The following STK35 variants were observed in gnomAD, a reference collection of about 807,000 sequenced individuals.
STK35 encodes the protein serine/threonine kinase 35, also known as serine/threonine-protein kinase 35.
A neutral mutation model predicts 37.3 loss-of-function variants in STK35; 17 were observed. The ratio of observed to expected loss-of-function variants is 0.46; its 90% CI spans 0.31 to 0.68. The LOEUF (loss-of-function observed/expected upper bound fraction) is 0.68, where lower values mean the gene tolerates loss of function less well. Among genes scored for constraint, STK35 ranks in the 30% least tolerant of loss-of-function variants. STK35 has a pLI of 0.05. For synonymous variants in STK35, 385 were observed against 319.1 expected (o/e 1.21, Z -2.20); for missense variants, 595 against 746.7 (o/e 0.80, Z 2.37).
At chr20:2,141,320 C>A (rs1318295167) in intron 3 of STK35, among the ~76,000 whole-genome samples, 1 of 152,188 alleles carries the variant, frequency 6.6e-6, no homozygotes, top group Non-Finnish European at 1.5e-5. Flanking sequence ...AATTAACAGA[C>A]CAAGGAACAG....
chr20:2,111,654 G>C (rs149786504), intron 2 of STK35, among the ~76,000 whole-genome samples: 123 of 152,308 alleles, frequency 8.1e-4, no homozygotes, highest in African/African-American at 2.8e-3. Context: ...AGTGAGCTGT[G>C]ATTGGCTGCA....
chr20:2,132,548 G>T (rs372233706), intron 3 of STK35, among the ~76,000 whole-genome samples: 4 of 152,356 alleles, frequency 2.6e-5, no homozygotes, highest in South Asian at 4.1e-4. Flanking sequence ...GAGCAAGGCT[G>T]TATTTTAGGC....
intron 3 of STK35, among the ~76,000 whole-genome samples, chr20:2,126,352 C>G (rs534349741): frequency 1.3e-5 from 2 of 152,236 alleles, no homozygotes; most frequent in South Asian, 2.1e-4. Context: ...AGTAGAGATA[C>G]AGGAGGACAG....
chr20:2,132,152 G>T (rs1490154219), intron 3 of STK35, among the ~76,000 whole-genome samples: 1 of 152,174 alleles, frequency 6.6e-6, no homozygotes, highest in Non-Finnish European at 1.5e-5. Flanking sequence ...TCAAAGGCCA[G>T]AGCTCCAGTG....
chr20:2,135,630 A>C (rs1201978738), intron 3 of STK35, among the ~76,000 whole-genome samples: 1 of 152,220 alleles, frequency 6.6e-6, no homozygotes, highest in Non-Finnish European at 1.5e-5. Context: ...TGGGAGGCCA[A>C]GGCAGGAGGA....
intron 3 of STK35, among the ~76,000 whole-genome samples, chr20:2,132,533 G>C (rs927579245): frequency 1.3e-5 from 2 of 152,226 alleles, no homozygotes; most frequent in South Asian, 2.1e-4. Context: ...TGAGTGGGTG[G>C]TGGTGAGCAA....
intron 3 of STK35, among the ~76,000 whole-genome samples, chr20:2,141,376 T>C (rs1205464502): frequency 6.6e-6 from 1 of 152,146 alleles, no homozygotes; most frequent in Non-Finnish European, 1.5e-5. Context: ...TGTATTTTCT[T>C]TCCAGATCAG....
In STK35 at chr20:2,117,951, C is replaced by T. The variant is rs115471988; in HGVS notation, c.*37+536C>T. Among the ~76,000 whole-genome samples, 705 of 152,284 alleles carry T rather than the reference C, an allele frequency of 4.6e-3. 11 individuals are homozygous for T. Among genetic ancestry groups the T allele is most frequent in the African/African-American group, 0.016 (675 of 41,558 alleles). Reference sequence around the variant, plus strand: ...AGAGAAGTCTTCTCAGAGGAGGTTGCGTTTAAGCCGAGTCTCCCTTTTTTT... The same window carrying T: ...AGAGAAGTCTTCTCAGAGGAGGTTGTGTTTAAGCCGAGTCTCCCTTTTTTT... On this transcript the variant is annotated intron_variant, in intron 3 of 3. Coordinates refer to ENST00000381482, the MANE Select transcript of STK35 (RefSeq NM_080836.4). The surrounding 1 kb of genome is among the most constrained non-coding windows in gnomAD (Gnocchi z 4.4).
chr20:2,139,157 G>A (rs1031482608), intron 3 of STK35, among the ~76,000 whole-genome samples: 7 of 152,172 alleles, frequency 4.6e-5, no homozygotes, highest in African/African-American at 1.2e-4. Flanking sequence ...AGGTGAACAC[G>A]TGAGCCATCC....
chr20:2,113,934 C>T (rs1456807377), intron 2 of STK35, among the ~76,000 whole-genome samples: 1 of 152,180 alleles, frequency 6.6e-6, no homozygotes, highest in Non-Finnish European at 1.5e-5. Context: ...CATCACACCT[C>T]AGTCTCCCTG....
At chr20:2,124,385 C>T (rs954315980) in intron 3 of STK35, among the ~76,000 whole-genome samples, 2 of 152,154 alleles carry the variant, frequency 1.3e-5, no homozygotes, top group South Asian at 2.1e-4. Flanking sequence ...TTTGGTTTTG[C>T]ACCCCAGAAG....
intron 3 of STK35, among the ~76,000 whole-genome samples, chr20:2,127,402 G>A (rs1370704759): frequency 1.3e-5 from 2 of 151,958 alleles, no homozygotes; most frequent in Non-Finnish European, 2.9e-5. Flanking sequence ...AGCACAGCCC[G>A]GCCTTGTACC....
intron 2 of STK35, among the ~76,000 whole-genome samples, chr20:2,105,736 C>T (rs1985503058): frequency 6.6e-6 from 1 of 152,224 alleles, no homozygotes; most frequent in Admixed American, 6.5e-5. Flanking sequence ...GTTCTGTACT[C>T]TTCTACCCTC....
intron 2 of STK35, among the ~76,000 whole-genome samples, chr20:2,104,189 C>T (rs890762097): frequency 6.6e-6 from 1 of 152,080 alleles, no homozygotes; most frequent in Non-Finnish European, 1.5e-5. Context: ...ATGTATTCAT[C>T]CTAACTACTC....
intron 3 of STK35, among the ~76,000 whole-genome samples, chr20:2,122,125 C>G (rs769354666): frequency 6.6e-6 from 1 of 152,060 alleles, no homozygotes; most frequent in Non-Finnish European, 1.5e-5. Context: ...TTTGAGCTCA[C>G]GAGTTTGAGA....
At chr20:2,108,737 C>G (rs549120306) in intron 2 of STK35, among the ~76,000 whole-genome samples, 1 of 152,252 alleles carries the variant, frequency 6.6e-6, no homozygotes, top group East Asian at 1.9e-4. Flanking sequence ...CCCCAGGAGA[C>G]AGAAGCAGCC....
At chr20:2,135,086 G>C (rs1483872950) in intron 3 of STK35, among the ~76,000 whole-genome samples, 1 of 152,100 alleles carries the variant, frequency 6.6e-6, no homozygotes, top group Non-Finnish European at 1.5e-5. Flanking sequence ...AGAGGGGCCT[G>C]GAACCAGGTT....
At chr20:2,128,727 G>A (rs997261754) in intron 3 of STK35, among the ~76,000 whole-genome samples, 2 of 152,172 alleles carry the variant, frequency 1.3e-5, no homozygotes, top group African/African-American at 2.4e-5. Flanking sequence ...TTCCTGTGAA[G>A]TCTGAATGGT....
intron 2 of STK35, among the ~76,000 whole-genome samples, chr20:2,113,390 A>G (rs1431753201): frequency 1.3e-5 from 2 of 152,344 alleles, no homozygotes; most frequent in Non-Finnish European, 2.9e-5. Context: ...TGGTCAGAAG[A>G]GGGAAGTTAC....
Sources: allele counts gnomAD v4.1 joint callset (sites outside exome capture counted in the v4.1 genomes callset), GRCh38; gene constraint gnomAD v4.1.1; non-coding constraint Gnocchi (gnomAD v3.1); transcripts MANE v1.5; gene names NCBI Gene and HGNC (gene_info 2026-07-23, HGNC 2026-07-21).